ZNF532: variants seen among roughly 807,000 people sequenced by gnomAD.
The protein encoded by ZNF532 is zinc finger protein 532.
A neutral mutation model predicts 89.3 loss-of-function variants in ZNF532; 22 were observed. That is an observed-to-expected ratio of 0.25 (90% confidence interval 0.18 to 0.35). ZNF532 has a LOEUF of 0.35. Ranked by LOEUF, ZNF532 falls within the 10% of genes least tolerant of loss-of-function variation. ZNF532 has a pLI of 1.00. For synonymous variants in ZNF532, 606 were observed against 649.6 expected (o/e 0.93, Z 1.02); for missense variants, 1,132 against 1,643.4 (o/e 0.69, Z 5.38).
intron 5 of ZNF532, among the ~76,000 whole-genome samples, chr18:58,945,143 T>C (rs1489116934): frequency 6.6e-6 from 1 of 152,224 alleles, no homozygotes; most frequent in Non-Finnish European, 1.5e-5. Context: ...TCAGTGTCCT[T>C]CCGTCTGAAG....
Position 58,888,841 on chromosome 18 carries a change from T to TTA in ZNF532, c.-18+23273_-18+23274dup, listed in dbSNP as rs1474691279. The stretch of plus-strand genomic sequence containing the variant: ...TATATATATAAATTATATATATAAT[T>TTA]TATATATATATAATTTATATATATA... On this transcript the variant is annotated intron_variant, in intron 2 of 9. Transcript: ENST00000591808. 2.5e-3 allele frequency among the ~76,000 whole-genome samples: 97 copies of TTA among 38,836 alleles called. 12 individuals carry two copies. The highest frequency in any genetic ancestry group is 0.034 in the Middle Eastern group (2 of 58). The allele number at this position is 38,836 out of a possible 152,430, so 25.5% of individuals were successfully genotyped here.
intron 3 of ZNF532, among the ~76,000 whole-genome samples, chr18:58,925,890 C>A (rs540906273): frequency 1.3e-5 from 2 of 152,278 alleles, no homozygotes; most frequent in South Asian, 4.1e-4. Context: ...TGTCAAGTAT[C>A]AGTTAGGCAT....
At position 58,918,606 on chromosome 18, in the gene ZNF532, G is replaced by C. The variant is rs771178115; in HGVS notation, c.319G>C (p.Ala107Pro). 1 of 1,614,222 alleles carries C rather than the reference G, an allele frequency of 6.2e-7. No homozygotes were observed. The highest frequency in any genetic ancestry group is 1.1e-5 in the South Asian group (1 of 91,084). Residue 107 changes from alanine (A) to proline (P), a missense_variant, in exon 3 of 10, where the codon GCA (alanine) becomes CCA (proline). Around this residue, in one of 9 missense-constraint regions of ZNF532, gnomAD observed 302 missense variants for 319.8 expected, o/e 0.94. Coordinates refer to ENST00000591808, the MANE Select transcript of ZNF532 (RefSeq NM_001375912.1). The stretch of plus-strand genomic sequence containing the variant: ...CCTTGACAGTTACAGTAAAGATGGA[G>C]CAAAGTCCTTGAAAGGAGATGTGCC... ...SSLDSYSKDG[A>P]KSLKGDVPAS...
chr18:58,940,535 G>A (rs900451014), intron 5 of ZNF532: 10 of 152,148 alleles, frequency 6.6e-5, no homozygotes, highest in African/African-American at 1.4e-4. Flanking sequence ...GGAGCCGGTC[G>A]GAATCCTGCC....
chr18:58,947,411 C>T (rs2063759648), intron 5 of ZNF532, among the ~76,000 whole-genome samples: 1 of 152,258 alleles, frequency 6.6e-6, no homozygotes, highest in East Asian at 1.9e-4. Flanking sequence ...ACATATTAGT[C>T]ATGGAAATAG....
intron 5 of ZNF532, among the ~76,000 whole-genome samples, chr18:58,943,451 C>T (rs959090583): frequency 4.0e-5 from 6 of 149,544 alleles, no homozygotes; most frequent in Admixed American, 6.7e-5. Context: ...TAAGCCACCG[C>T]GCCCAGCCTT....
In ZNF532 at chr18:58,940,004, C is replaced by T. The variant is rs111724891; in HGVS notation, c.2705+383C>T. ...CGTCTCCTGGGTTCAAGCGATTCTCCTGCTTCAGCCTCCTGAGTAGCTGGG... is the reference window on the plus strand; with the variant it reads ...CGTCTCCTGGGTTCAAGCGATTCTCTTGCTTCAGCCTCCTGAGTAGCTGGG... On this transcript the variant is annotated intron_variant, in intron 5 of 9. Transcript: ENST00000591808. 8.0e-3 allele frequency: 1,261 copies of T among 158,260 alleles called. 8 individuals are homozygous for T. Among genetic ancestry groups the T allele is most frequent in the South Asian group, 0.019 (103 of 5,432 alleles). 9.8% of individuals were successfully genotyped at this position (158,260 alleles called of 1,614,324 possible).
intron 2 of ZNF532, among the ~76,000 whole-genome samples, chr18:58,901,966 G>C (rs926787663): frequency 3.3e-5 from 5 of 152,144 alleles, no homozygotes; most frequent in Admixed American, 2.6e-4. Flanking sequence ...CACCTTAACA[G>C]CATGGTGAGG....
intron 7 of ZNF532, among the ~76,000 whole-genome samples, chr18:58,968,030 G>GT (rs1307363812): frequency 6.6e-6 from 1 of 152,210 alleles, no homozygotes; most frequent in Non-Finnish European, 1.5e-5. Flanking sequence ...GCAATAATGG[G>GT]TTAGAACATG....
intron 7 of ZNF532, among the ~76,000 whole-genome samples, 172 bp from the exon 8 acceptor site, chr18:58,978,883 C>T (rs147993704): frequency 2.6e-5 from 4 of 152,174 alleles, no homozygotes; most frequent in East Asian, 1.9e-4. Flanking sequence ...GACTGTGACC[C>T]GTCACATGAG....
chr18:58,886,125 T>C (rs1235881467), intron 2 of ZNF532, among the ~76,000 whole-genome samples: 1 of 151,966 alleles, frequency 6.6e-6, no homozygotes, highest in African/African-American at 2.4e-5. Context: ...TACAGGTGTG[T>C]GCCACCATGC....
chr18:58,863,713 C>A, upstream of ZNF532: 1 of 152,218 alleles, frequency 6.6e-6, no homozygotes, highest in South Asian at 1.9e-4. Flanking sequence ...CCCAGACGCC[C>A]GGGCTTGACC....
At chr18:58,951,480 C>T (rs566107945) in intron 6 of ZNF532, among the ~76,000 whole-genome samples, 10 of 152,138 alleles carry the variant, frequency 6.6e-5, no homozygotes, top group Non-Finnish European at 1.5e-4. Flanking sequence ...AATGGAAAAA[C>T]TTAGCTTCTC....
intron 6 of ZNF532, among the ~76,000 whole-genome samples, chr18:58,952,387 C>T (rs1047872050): frequency 3.9e-5 from 6 of 152,046 alleles, no homozygotes; most frequent in Non-Finnish European, 5.9e-5. Flanking sequence ...TTTTGCTCTC[C>T]TCCACCCTCT....
chr18:58,886,693 CTG>C (rs1359716228), intron 2 of ZNF532, among the ~76,000 whole-genome samples: 1 of 152,204 alleles, frequency 6.6e-6, no homozygotes, highest in Non-Finnish European at 1.5e-5. Flanking sequence ...TTACAAATAA[CTG>C]TGCACCAAAC....
At chr18:58,877,503 A>C (rs1239033556) in intron 2 of ZNF532, among the ~76,000 whole-genome samples, 2 of 152,248 alleles carry the variant, frequency 1.3e-5, no homozygotes, top group Non-Finnish European at 2.9e-5. Flanking sequence ...TGTCTGTTGC[A>C]TGAGTTCAGT....
chr18:58,943,865 AATGT>A (rs1412393373), intron 5 of ZNF532, among the ~76,000 whole-genome samples: 3 of 152,130 alleles, frequency 2.0e-5, no homozygotes, highest in African/African-American at 7.2e-5. Context: ...GCAATTTCTA[AATGT>A]ATGTAAGTGG....
chr18:58,980,096 G>C (rs1169774259), intron 8 of ZNF532: 1 of 152,232 alleles, frequency 6.6e-6, no homozygotes, highest in Non-Finnish European at 1.5e-5. Context: ...ATGGATGTCA[G>C]TGCAGGCCAG....
intron 2 of ZNF532, among the ~76,000 whole-genome samples, chr18:58,909,486 G>C (rs979575696): frequency 6.6e-6 from 1 of 152,178 alleles, no homozygotes; most frequent in Admixed American, 6.5e-5. Context: ...GAGTTGCTGA[G>C]GTTGCCTTTC....
Sources: allele counts gnomAD v4.1 joint callset (sites outside exome capture counted in the v4.1 genomes callset), GRCh38; gene constraint gnomAD v4.1.1; regional missense constraint gnomAD v4.1.1; transcripts MANE v1.5; gene names NCBI Gene and HGNC (gene_info 2026-07-23, HGNC 2026-07-21).